The following FAM149B1 variants were observed in gnomAD, a reference collection of about 807,000 sequenced individuals.
FAM149B1 encodes the protein family with sequence similarity 149 member B1.
FAM149B1 carries 56 observed loss-of-function variants against 75.3 expected under a neutral mutation model. The observed-to-expected ratio is 0.74, with a 90% CI of 0.60 to 0.93. The LOEUF is 0.93. Ranked by LOEUF, FAM149B1 falls within the 40% of genes least tolerant of loss-of-function variation. The pLI is 0.00. For synonymous variants in FAM149B1, 259 were observed against 256.1 expected, an observed-to-expected ratio of 1.01 and a Z score of -0.11; for missense variants, 639 against 708.4, an observed-to-expected ratio of 0.90 and a Z score of 1.11.
intron 7 of FAM149B1, among the ~76,000 whole-genome samples, chr10:73,210,993 G>A (rs373490314): frequency 2.0e-5 from 3 of 152,080 alleles, no homozygotes; most frequent in Admixed American, 1.3e-4. Context: ...ATTCAGTTCA[G>A]TTCTGACACA....
intron 4 of FAM149B1, 138 bp downstream of exon 4, chr10:73,192,836 C>A: frequency 1.3e-6 from 1 of 776,476 alleles, no homozygotes. Flanking sequence ...TGGTATAAAG[C>A]CTTGGCTAAG....
At chr10:73,218,391 A>G (rs995392426) in intron 7 of FAM149B1, among the ~76,000 whole-genome samples, 6 of 152,180 alleles carry the variant, frequency 3.9e-5, no homozygotes, top group Non-Finnish European at 7.4e-5. Flanking sequence ...GGGTCTGACA[A>G]CCTTCTTCCA....
At chr10:73,181,230 C>G (rs1031660261) in intron 3 of FAM149B1, among the ~76,000 whole-genome samples, 36 of 151,976 alleles carry the variant, frequency 2.4e-4, no homozygotes, top group African/African-American at 8.5e-4. Context: ...AGGATGGTCT[C>G]GATCTCCTGA....
At chr10:73,213,350 TTTTG>T (rs1208569683) in intron 7 of FAM149B1, among the ~76,000 whole-genome samples, 3 of 152,148 alleles carry the variant, frequency 2.0e-5, no homozygotes, top group Non-Finnish European at 4.4e-5. Flanking sequence ...ATTTGTCTAT[TTTTG>T]TTTTTGTTGC....
At chr10:73,168,977 G>C (rs1394068320) in intron 1 of FAM149B1, 1 of 152,260 alleles carries the variant, frequency 6.6e-6, no homozygotes, top group South Asian at 2.1e-4. Context: ...GATCAGTTTT[G>C]CTTTTGAGAC....
At chr10:73,215,745 G>A (rs1014758275) in intron 7 of FAM149B1, among the ~76,000 whole-genome samples, 3 of 151,960 alleles carry the variant, frequency 2.0e-5, no homozygotes, top group Non-Finnish European at 2.9e-5. Flanking sequence ...GTTGATTTCC[G>A]ACTTTATTCC....
chr10:73,226,895 T>A (rs2133393782), intron 7 of FAM149B1, among the ~76,000 whole-genome samples: 1 of 152,186 alleles, frequency 6.6e-6, no homozygotes, highest in South Asian at 2.1e-4. Context: ...CCAACCTCTA[T>A]GTGAAGAGAA....
At position 73,242,342 on chromosome 10, in the gene FAM149B1, CTA is replaced by C. The variant is rs1405821596; in HGVS notation, c.*1325_*1326del. ...CTCATCTACATAGAAATGAAAATCT[CTA>C]TTGTTCTCACAAACCATTACCATGA... On this transcript the variant is annotated 3_prime_UTR_variant, in exon 14 of 14. Transcript: ENST00000242505. 6.6e-6 allele frequency: 1 copy of C among 152,146 alleles called. No homozygotes were observed. The highest frequency in any genetic ancestry group is 1.5e-5 in the Non-Finnish European group (1 of 68,024). The allele number at this position is 152,146 out of a possible 1,614,324, so 9.4% of individuals were successfully genotyped here. A position where few individuals can be genotyped will look rare whatever the true frequency, so the allele number is the denominator to read the frequency against.
chr10:73,215,623 C>G (rs12250362), intron 7 of FAM149B1, among the ~76,000 whole-genome samples: 15,652 of 152,080 alleles, frequency 0.1, 1,175 homozygotes, highest in East Asian at 0.31. Flanking sequence ...TTTTTATTTT[C>G]ATTTGTTTCA....
At chr10:73,231,476 T>C (rs1221115644) in intron 9 of FAM149B1, among the ~76,000 whole-genome samples, 2 of 152,120 alleles carry the variant, frequency 1.3e-5, no homozygotes, top group Non-Finnish European at 2.9e-5. Flanking sequence ...TGGGAGCACA[T>C]ATATTTAAAT....
In FAM149B1 at chr10:73,168,296, C is replaced by T. The variant is rs895371679; in HGVS notation, c.-44C>T. On this transcript the variant is annotated 5_prime_UTR_variant, in exon 1 of 14. Coordinates refer to ENST00000242505, the MANE Select transcript of FAM149B1 (RefSeq NM_173348.2). ...GAGGCCCCCACCCTGGCGTGCCTGC[C>T]CCGGCCGCGGCTGAGGAGGAGGAGG... The T allele has an allele frequency of 6.5e-7, 1 of 1,545,258 alleles. No homozygotes were observed. Among genetic ancestry groups the T allele is most frequent in the African/African-American group, 1.4e-5 (1 of 72,306 alleles).
Position 73,177,916 on chromosome 10 carries a change from A to G in FAM149B1, c.223A>G (p.Ser75Gly), listed in dbSNP as rs959707465. The G allele has an allele frequency of 6.6e-5, 103 of 1,551,574 alleles. No individual in the cohort carries two copies. Among genetic ancestry groups the G allele is most frequent in the African/African-American group, 1.6e-4 (12 of 73,022 alleles). Reference protein sequence around the residue: ...DTGNSLSAFPSYTGAGISTEG... With the variant: ...DTGNSLSAFPGYTGAGISTEG... Reference sequence around the variant, plus strand: ...TGGGAATTCACTGTCTGCTTTTCCAAGTTATACAGGCGCAGGGATATCTAC... The same window carrying G: ...TGGGAATTCACTGTCTGCTTTTCCAGGTTATACAGGCGCAGGGATATCTAC... Residue 75 changes from serine (S) to glycine (G), a missense_variant, in exon 3 of 14, where the codon AGT becomes GGT. Physicochemically the swap from Ser to Gly is moderately conservative, Grantham distance 56. Transcript: ENST00000242505.
chr10:73,235,610 A>ATGT lies in FAM149B1; in HGVS notation c.1602+292_1602+293insTGT, dbSNP rs1249174081. The ATGT allele has an allele frequency of 9.9e-6, 4 of 402,872 alleles. No individual in the cohort carries two copies. In the East Asian group the frequency reaches 2.9e-4, roughly 29 times the overall value. 25.0% of individuals were successfully genotyped at this position (402,872 alleles called of 1,614,324 possible). A position where few individuals can be genotyped will look rare whatever the true frequency, so the allele number is the denominator to read the frequency against. The stretch of plus-strand genomic sequence containing the variant: ...ATCCCAGTACACATCAGATAAGCAT[A>ATGT]ACTTTATTATGTAATCCTGTTCTTC... On this transcript the variant is annotated intron_variant, in intron 12 of 13. Transcript: ENST00000242505.
At position 73,208,785 on chromosome 10, in the gene FAM149B1, A is replaced by T. The variant is rs924275702; in HGVS notation, c.709A>T (p.Ile237Leu). The T allele has an allele frequency of 2.0e-6, 3 of 1,491,664 alleles. No homozygotes were observed. The highest frequency in any genetic ancestry group is 2.8e-5 in the African/African-American group (2 of 71,408). The allele number at this position is 1,491,664 out of a possible 1,614,324, so 92.4% of individuals were successfully genotyped here. The change falls in exon 6 of 14, where the codon ATA (isoleucine) becomes TTA (leucine). Residue 237 changes from isoleucine (I) to leucine (L), a missense_variant and splice_region_variant. Physicochemically the swap from Ile to Leu is conservative, Grantham distance 5. Coordinates refer to ENST00000242505, the MANE Select transcript of FAM149B1 (RefSeq NM_173348.2). ...EEYLAFDHID[I>L]EEGFHGKKSE... ...ATACCTAGCATTCGATCACATAGAT[A>T]TGTGAGTATTATGCCTTTTAAGCTT...
At chr10:73,233,189 G>GAAAC in intron 10 of FAM149B1, 26 bp downstream of exon 10, 6 of 1,475,832 alleles carry the variant, frequency 4.1e-6, no homozygotes, top group Non-Finnish European at 5.6e-6. Flanking sequence ...AGAACTTCTG[G>GAAAC]AAACCGTGGT....
chr10:73,208,464 C>G (rs1326063971), intron 5 of FAM149B1, among the ~76,000 whole-genome samples, 155 bp from the exon 6 acceptor site: 1 of 152,206 alleles, frequency 6.6e-6, no homozygotes, highest in Non-Finnish European at 1.5e-5. Context: ...TTTAATCTTC[C>G]TGTTCTGAGA....
At chr10:73,198,371 T>C (rs2042855623) in intron 5 of FAM149B1, among the ~76,000 whole-genome samples, 1 of 152,078 alleles carries the variant, frequency 6.6e-6, no homozygotes, top group South Asian at 2.1e-4. Flanking sequence ...ATATCAAAGG[T>C]AAACACTTCT....
chr10:73,235,978 G>A (rs10823997), intron 12 of FAM149B1, among the ~76,000 whole-genome samples: 15,953 of 152,146 alleles, frequency 0.1, 1,196 homozygotes, highest in East Asian at 0.31. Flanking sequence ...CTGGGAGCTC[G>A]ACCCCACATA....
intron 7 of FAM149B1, among the ~76,000 whole-genome samples, chr10:73,215,699 C>T (rs2043284239): frequency 6.6e-6 from 1 of 152,154 alleles, no homozygotes; most frequent in Non-Finnish European, 1.5e-5. Flanking sequence ...TGTTTAATTT[C>T]CACATATTTG....
Sources: gnomAD v4.1 joint callset for allele counts (sites outside exome capture counted in the v4.1 genomes callset) on GRCh38, gnomAD v4.1.1 for gene constraint, MANE v1.5 for transcripts, NCBI Gene and HGNC (gene_info 2026-07-23, HGNC 2026-07-21) for gene names.